ZDHHC17: variants seen among roughly 807,000 people sequenced by gnomAD.
ZDHHC17 encodes the protein zDHHC palmitoyltransferase 17.
Under a neutral mutation model 90.3 loss-of-function variants are expected in ZDHHC17, and 40 were observed. The ratio of observed to expected loss-of-function variants is 0.44; its 90% CI spans 0.34 to 0.58. ZDHHC17 has a LOEUF of 0.58. ZDHHC17 is among the 20% of genes least tolerant of loss of function. The probability of loss-of-function intolerance (pLI) is 0.01; values close to 1 mark genes in which losing one functional copy is unlikely to be tolerated. For synonymous variants in ZDHHC17, 235 were observed against 252.4 expected (o/e 0.93, Z 0.65); for missense variants, 614 against 780.8 (o/e 0.79, Z 2.55).
intron 1 of ZDHHC17, among the ~76,000 whole-genome samples, chr12:76,794,918 T>C (rs909221572): frequency 1.3e-5 from 2 of 152,222 alleles, no homozygotes; most frequent in East Asian, 1.9e-4. Flanking sequence ...TAAAAAAGAA[T>C]AGCATTTTGC....
At chr12:76,807,438 C>G (rs1952968141) in intron 3 of ZDHHC17, among the ~76,000 whole-genome samples, 1 of 152,134 alleles carries the variant, frequency 6.6e-6, no homozygotes, top group Non-Finnish European at 1.5e-5. Flanking sequence ...ATCATTAGTA[C>G]CTGCCATAAC....
intron 1 of ZDHHC17, among the ~76,000 whole-genome samples, chr12:76,773,070 C>T (rs570369888): frequency 6.6e-6 from 1 of 152,220 alleles, no homozygotes; most frequent in Admixed American, 6.5e-5. Flanking sequence ...GTTGGCCAGG[C>T]TGGTCTTGAA....
chr12:76,821,290 A>G (rs1005892413), intron 7 of ZDHHC17: 2 of 277,026 alleles, frequency 7.2e-6, no homozygotes, highest in East Asian at 1.2e-4. Flanking sequence ...AGATTAGCCC[A>G]TTTCTTATTA....
chr12:76,842,112 A>G lies in ZDHHC17; in HGVS notation c.1266+6A>G, dbSNP rs749232773. 1 of 1,561,498 alleles carries G rather than the reference A, an allele frequency of 6.4e-7. No individual in the cohort carries two copies. The highest frequency in any genetic ancestry group is 1.2e-5 in the South Asian group (1 of 82,242). On this transcript the variant is annotated splice_donor_region_variant and intron_variant, in intron 11 of 16. Coordinates refer to ENST00000426126, the MANE Select transcript of ZDHHC17 (RefSeq NM_015336.4). ...CAGAAGAGCAAAAGAAAAAGGTAGCAAAATACCAACTAAGTCACTTGTATT... is the reference window on the plus strand; with the variant it reads ...CAGAAGAGCAAAAGAAAAAGGTAGCGAAATACCAACTAAGTCACTTGTATT...
chr12:76,807,051 GACTGAC>G (rs1952963863), intron 3 of ZDHHC17, among the ~76,000 whole-genome samples: 2 of 152,164 alleles, frequency 1.3e-5, no homozygotes, highest in Non-Finnish European at 2.9e-5. Context: ...ATCAACATGG[GACTGAC>G]ACTGAAGTCA....
At chr12:76,820,970 G>T in intron 7 of ZDHHC17, 3 of 787,112 alleles carry the variant, frequency 3.8e-6, no homozygotes, top group Non-Finnish European at 5.6e-6. Context: ...TATTTTACCA[G>T]CTGAATAAAA....
intron 1 of ZDHHC17, among the ~76,000 whole-genome samples, chr12:76,788,686 C>T (rs1200723828): frequency 1.6e-5 from 1 of 61,568 alleles, no homozygotes; most frequent in African/African-American, 5.8e-5. Context: ...GTTGGAATCG[C>T]AATTTTTTTT....
chr12:76,765,655 G>A (rs1374948286), intron 1 of ZDHHC17, among the ~76,000 whole-genome samples: 1 of 152,204 alleles, frequency 6.6e-6, no homozygotes. Context: ...CTATTCATCT[G>A]TTCCTGTGAA....
rs1953587170 is a variant in ZDHHC17, at chr12:76,853,404, C to A, written c.*2419C>A. 1 of 151,404 alleles carries A rather than the reference C, an allele frequency of 6.6e-6. No homozygotes were observed. 9.4% of individuals were successfully genotyped at this position (151,404 alleles called of 1,614,324 possible). On this transcript the variant is annotated 3_prime_UTR_variant, in exon 17 of 17. Coordinates refer to ENST00000426126, the MANE Select transcript of ZDHHC17 (RefSeq NM_015336.4). ...ACTTTTAGCAAATAGGAACTTAATT[C>A]TCAGCACTGAACATGAATTACTTCC... is the stretch of plus-strand genomic sequence containing the variant.
chr12:76,816,717 G>T (rs7133597), intron 7 of ZDHHC17, among the ~76,000 whole-genome samples: 91,707 of 151,760 alleles, frequency 0.6, 27,754 homozygotes, highest in East Asian at 0.67. Flanking sequence ...TATGTTCCAA[G>T]GAATAGTTTG....
At chr12:76,799,247 AT>A (rs1952858999) in intron 2 of ZDHHC17, among the ~76,000 whole-genome samples, 1 of 152,178 alleles carries the variant, frequency 6.6e-6, no homozygotes, top group Non-Finnish European at 1.5e-5. Context: ...TCATCTGCAT[AT>A]TTACTTCAAG....
intron 2 of ZDHHC17, among the ~76,000 whole-genome samples, chr12:76,801,603 G>A (rs918099230): frequency 2.6e-5 from 4 of 151,950 alleles, no homozygotes; most frequent in Admixed American, 6.5e-5. Flanking sequence ...GCAGTGAGCC[G>A]AGATCGCGCC....
Position 76,806,219 on chromosome 12 carries a change from C to G in ZDHHC17, c.320+780C>G, listed in dbSNP as rs547712133. Among the ~76,000 whole-genome samples, 7 of 152,048 alleles carry G rather than the reference C, an allele frequency of 4.6e-5. No homozygotes were observed. In the South Asian group the frequency reaches 1.0e-3, roughly 23 times the overall value. On this transcript the variant is annotated intron_variant, in intron 3 of 16. Transcript: ENST00000426126. ...AAGCGATCCTCCCACCTCATACTCC[C>G]GAGTAGCTTGGAGCACAGGCGAATA...
At chr12:76,822,575 A>G (rs1458524130) in intron 8 of ZDHHC17, 44 bp downstream of exon 8, 1 of 1,322,152 alleles carries the variant, frequency 7.6e-7, no homozygotes, top group Non-Finnish European at 1.0e-6. Flanking sequence ...TTTTTTTGAG[A>G]CGGAGTTTCG....
intron 5 of ZDHHC17, among the ~76,000 whole-genome samples, chr12:76,811,353 G>T (rs1953016597): frequency 6.6e-6 from 1 of 152,160 alleles, no homozygotes; most frequent in Non-Finnish European, 1.5e-5. Context: ...CCATATTGCA[G>T]AATAAATCTA....
chr12:76,768,068 A>G (rs1400070297), intron 1 of ZDHHC17, among the ~76,000 whole-genome samples: 1 of 152,256 alleles, frequency 6.6e-6, no homozygotes, highest in Non-Finnish European at 1.5e-5. Context: ...TAATGTTTAT[A>G]AAGCAGTTTT....
At position 76,798,933 on chromosome 12, in the gene ZDHHC17, C is replaced by T. The variant is rs899007157; in HGVS notation, c.197+1396C>T. On this transcript the variant is annotated intron_variant, in intron 2 of 16. Coordinates refer to ENST00000426126, the MANE Select transcript of ZDHHC17 (RefSeq NM_015336.4). ...GTCACCTCTCACCAGGCCCCATCTC[C>T]AACATTGGGGATTACAATTGAACAT... Among the ~76,000 whole-genome samples, 5 of 152,146 alleles carry T rather than the reference C, an allele frequency of 3.3e-5. No homozygotes were observed. In the South Asian group the frequency reaches 6.2e-4, roughly 19 times the overall value.
At chr12:76,807,225 G>A (rs1173630136) in intron 3 of ZDHHC17, among the ~76,000 whole-genome samples, 4 of 152,182 alleles carry the variant, frequency 2.6e-5, no homozygotes, top group Non-Finnish European at 4.4e-5. Context: ...TGTCAGCTGC[G>A]TGATTGCTTC....
Position 76,797,532 on chromosome 12 carries a change from T to TAC in ZDHHC17, c.196_197dup (p.Gln66HisfsTer39). On this transcript the variant is annotated frameshift_variant, in exon 2 of 17. Transcript: ENST00000426126. LOFTEE classifies it high-confidence loss of function. ...ACAGCACATGGGACATAGTCAAGGC[T>TAC]ACACAGTAAGGTTTTTGTTGTAGTT... 1 of 1,595,770 alleles carries TAC rather than the reference T, an allele frequency of 6.3e-7. No homozygotes were observed. The highest frequency in any genetic ancestry group is 8.5e-7 in the Non-Finnish European group (1 of 1,172,080).
Sources: gnomAD v4.1 joint callset for allele counts (sites outside exome capture counted in the v4.1 genomes callset) on GRCh38, gnomAD v4.1.1 for gene constraint, MANE v1.5 for transcripts, NCBI Gene and HGNC (gene_info 2026-07-23, HGNC 2026-07-21) for gene names.